Variants in ZC2HC1B observed in about 807,000 individuals in gnomAD.
ZC2HC1B encodes the protein zinc finger C2HC domain-containing protein 1B.
Under a neutral mutation model 31.0 loss-of-function variants are expected in ZC2HC1B, and 36 were observed. The observed-to-expected ratio is 1.16, with a 90% CI of 0.89 to 1.54. ZC2HC1B has a LOEUF of 1.54. ZC2HC1B is among the 40% of genes most tolerant of loss of function. The probability of loss-of-function intolerance (pLI) is 0.00; values close to 1 mark genes in which losing one functional copy is unlikely to be tolerated. For missense variants in ZC2HC1B, 260 were observed against 268.6 expected (o/e 0.97, Z 0.22); for synonymous variants, 73 against 88.0 (o/e 0.83, Z 0.95).
At chr6:143,930,299 T>C (rs983225357) in intron 6 of ZC2HC1B, among the ~76,000 whole-genome samples, 4 of 151,998 alleles carry the variant, frequency 2.6e-5, no homozygotes, top group South Asian at 2.1e-4. Flanking sequence ...AAAATGTAAA[T>C]TTTTGTCTTT....
chr6:143,894,913 T>A (rs1001364404), intron 4 of ZC2HC1B, among the ~76,000 whole-genome samples: 1 of 152,186 alleles, frequency 6.6e-6, no homozygotes, highest in Non-Finnish European at 1.5e-5. Context: ...GATTATTGTT[T>A]CTCTAAAAAA....
intron 4 of ZC2HC1B, among the ~76,000 whole-genome samples, chr6:143,888,519 C>T (rs771245787): frequency 1.3e-5 from 2 of 151,958 alleles, no homozygotes; most frequent in Non-Finnish European, 2.9e-5. Flanking sequence ...GTTTTCCAAT[C>T]CATGAACATG....
At chr6:143,901,656 T>G (rs1412931444) in intron 5 of ZC2HC1B, among the ~76,000 whole-genome samples, 1 of 152,166 alleles carries the variant, frequency 6.6e-6, no homozygotes, top group East Asian at 1.9e-4. Flanking sequence ...GTTAATCATG[T>G]GTACCTTGCT....
Position 143,891,238 on chromosome 6 carries a change from A to T in ZC2HC1B, c.349+4417A>T, listed in dbSNP as rs913983388. 2.6e-5 allele frequency among the ~76,000 whole-genome samples: 4 copies of T among 152,202 alleles called. No homozygotes were observed. In the East Asian group the frequency reaches 7.7e-4, roughly 29 times the overall value. On this transcript the variant is annotated intron_variant, in intron 4 of 7. Transcript: ENST00000237275. ...GCAGAACCTATAAAATGAAAATCTC[A>T]TAGCATTCCTTCAAGAAATTAAAGA...
At chr6:143,874,649 C>T (rs939314845) in intron 1 of ZC2HC1B, among the ~76,000 whole-genome samples, 2 of 152,028 alleles carry the variant, frequency 1.3e-5, no homozygotes, top group African/African-American at 4.8e-5. Context: ...CCCTGAAAAA[C>T]CCATCAGATC....
At chr6:143,896,316 G>A (rs1313493935) in intron 4 of ZC2HC1B, among the ~76,000 whole-genome samples, 4 of 152,212 alleles carry the variant, frequency 2.6e-5, no homozygotes, top group African/African-American at 9.6e-5. Context: ...GTGGGATTAA[G>A]GAAGCAACTC....
intron 6 of ZC2HC1B, among the ~76,000 whole-genome samples, chr6:143,935,111 G>A (rs1778160721): frequency 7.2e-6 from 1 of 138,274 alleles, no homozygotes; most frequent in Admixed American, 7.4e-5. Context: ...CCCCTAGGAG[G>A]AGTATGTGGA....
intron 6 of ZC2HC1B, among the ~76,000 whole-genome samples, chr6:143,927,758 CATTT>C (rs1245974422): frequency 6.6e-6 from 1 of 152,182 alleles, no homozygotes; most frequent in African/African-American, 2.4e-5. Context: ...TTTCTACCAA[CATTT>C]ATAAGTGTTC....
chr6:143,883,284 C>T lies in ZC2HC1B; in HGVS notation c.29-1020C>T, dbSNP rs1263064052. Reference sequence around the variant, plus strand: ...GAATCCTTAGGCTCAAGCAATCCTCCTGCTTCAGCCTCCCATAGTGTTGGG... The same window carrying T: ...GAATCCTTAGGCTCAAGCAATCCTCTTGCTTCAGCCTCCCATAGTGTTGGG... On this transcript the variant is annotated intron_variant, in intron 1 of 7. Coordinates refer to ENST00000237275, the MANE Select transcript of ZC2HC1B (RefSeq NM_001013623.3). The surrounding 1 kb of genome is among the most constrained non-coding windows in gnomAD (Gnocchi z 4.1). Among the ~76,000 whole-genome samples the T allele has an allele frequency of 6.6e-6, 1 of 152,188 alleles. No individual in the cohort carries two copies. Among genetic ancestry groups the T allele is most frequent in the African/African-American group, 2.4e-5 (1 of 41,460 alleles).
chr6:143,880,787 T>G (rs1777457599), intron 1 of ZC2HC1B, among the ~76,000 whole-genome samples: 1 of 152,174 alleles, frequency 6.6e-6, no homozygotes. Context: ...TGGCTACAGT[T>G]TGCTGACCCC....
intron 1 of ZC2HC1B, among the ~76,000 whole-genome samples, chr6:143,874,357 C>G (rs772149677): frequency 5.3e-5 from 8 of 152,158 alleles, no homozygotes; most frequent in Non-Finnish European, 1.0e-4. Context: ...TCTTCTGAGC[C>G]CTCCAAACTG....
chr6:143,892,635 T>C (rs1582959794), intron 4 of ZC2HC1B, among the ~76,000 whole-genome samples: 1 of 152,126 alleles, frequency 6.6e-6, no homozygotes, highest in East Asian at 1.9e-4. Context: ...TGGGAGCTAA[T>C]AGAGCAAGAA....
chr6:143,929,182 A>G (rs569804081), intron 6 of ZC2HC1B, among the ~76,000 whole-genome samples: 1 of 152,260 alleles, frequency 6.6e-6, no homozygotes, highest in Admixed American at 6.5e-5. Flanking sequence ...CTTAAGGGAA[A>G]TTCTTTCAAC....
At position 143,885,143 on chromosome 6, in the gene ZC2HC1B, C is replaced by G. The variant is rs1777516452; in HGVS notation, c.90+778C>G. On this transcript the variant is annotated intron_variant, in intron 2 of 7. Transcript: ENST00000237275. This position sits in a 1 kb window ranked among gnomAD's most constrained non-coding sequence, Gnocchi z 4.2. ...GAACTTAAAGGATGTGGACTGTAAG[C>G]CTGACTATGTTTTGGACAAAAGACT... 6.6e-6 allele frequency among the ~76,000 whole-genome samples: 1 copy of G among 152,006 alleles called. No individual in the cohort carries two copies. The highest frequency in any genetic ancestry group is 2.4e-5 in the African/African-American group (1 of 41,364).
At position 143,865,025 on chromosome 6, in the gene ZC2HC1B, ATATAT is replaced by A. The variant is rs1777239958; in HGVS notation, c.28+464_28+468del. ...TGCTAACTTCACTGTGTTTAAATCC[ATATAT>A]TATATATTTTGCAATTAAGAGAAAA... On this transcript the variant is annotated intron_variant, in intron 1 of 7. Transcript: ENST00000237275. The surrounding 1 kb of genome is among the most constrained non-coding windows in gnomAD (Gnocchi z 4.4). Among the ~76,000 whole-genome samples, 1 of 152,218 alleles carries A rather than the reference ATATAT, an allele frequency of 6.6e-6. No homozygotes were observed. Among genetic ancestry groups the A allele is most frequent in the Non-Finnish European group, 1.5e-5 (1 of 68,048 alleles).
intron 1 of ZC2HC1B, among the ~76,000 whole-genome samples, 192 bp downstream of exon 1, chr6:143,864,759 A>G (rs1279597475): frequency 3.9e-5 from 6 of 152,246 alleles, no homozygotes; most frequent in Non-Finnish European, 8.8e-5. Context: ...TGGCTAGAAA[A>G]AAATCTTGAC....
Position 143,887,617 on chromosome 6 carries a change from T to C in ZC2HC1B, c.349+796T>C, listed in dbSNP as rs1462944781. On this transcript the variant is annotated intron_variant, in intron 4 of 7. Coordinates refer to ENST00000237275, the MANE Select transcript of ZC2HC1B (RefSeq NM_001013623.3). This position sits in a 1 kb window ranked among gnomAD's most constrained non-coding sequence, Gnocchi z 5.1. Reference sequence around the variant, plus strand: ...CCTTTTGTTATCTCTTCGGTCTTTATTAAATCTTGAACAATATCCCTACCA... The same window carrying C: ...CCTTTTGTTATCTCTTCGGTCTTTACTAAATCTTGAACAATATCCCTACCA... Among the ~76,000 whole-genome samples, 1 of 152,176 alleles carries C rather than the reference T, an allele frequency of 6.6e-6. No homozygotes were observed. The highest frequency in any genetic ancestry group is 2.4e-5 in the African/African-American group (1 of 41,448).
chr6:143,878,151 G>T (rs1166712147), intron 1 of ZC2HC1B, among the ~76,000 whole-genome samples: 1 of 150,856 alleles, frequency 6.6e-6, no homozygotes, highest in Non-Finnish European at 1.5e-5. Context: ...TGCACATAGT[G>T]ATAAAAAAGT....
chr6:143,866,647 G>T (rs1777267300), intron 1 of ZC2HC1B, among the ~76,000 whole-genome samples: 1 of 152,178 alleles, frequency 6.6e-6, no homozygotes, highest in Non-Finnish European at 1.5e-5. Context: ...CACCTCAGTT[G>T]AAAGAACTCT....
Sources: allele counts gnomAD v4.1 joint callset (sites outside exome capture counted in the v4.1 genomes callset), GRCh38; gene constraint gnomAD v4.1.1; non-coding constraint Gnocchi (gnomAD v3.1); transcripts MANE v1.5; gene names NCBI Gene and HGNC (gene_info 2026-07-23, HGNC 2026-07-21).